The following BPIFB1 variants were observed in gnomAD, a reference collection of about 807,000 sequenced individuals.
BPIFB1 encodes the protein BPI fold-containing family B member 1.
A neutral mutation model predicts 55.1 loss-of-function variants in BPIFB1; 34 were observed. The ratio of observed to expected loss-of-function variants is 0.62; its 90% CI spans 0.47 to 0.82. BPIFB1 has a LOEUF of 0.82. Ranked by LOEUF, BPIFB1 falls within the 40% of genes least tolerant of loss-of-function variation. The pLI, the probability that BPIFB1 is intolerant of heterozygous loss-of-function variation, is 0.00. For missense variants in BPIFB1, 532 were observed against 593.1 expected (o/e 0.90, Z 1.07); for synonymous variants, 236 against 245.3 (o/e 0.96, Z 0.35).
chr20:33,291,770 G>A, intron 5 of BPIFB1, 137 bp from the exon 6 acceptor site: 1 of 726,632 alleles, frequency 1.4e-6, no homozygotes, highest in Non-Finnish European at 2.3e-6. Context: ...GCTACTCCCA[G>A]CCCCGTCTCT....
chr20:33,284,716 A>C (rs75516672), intron 1 of BPIFB1, among the ~76,000 whole-genome samples: 1 of 151,982 alleles, frequency 6.6e-6, no homozygotes, highest in Non-Finnish European at 1.5e-5. Flanking sequence ...AGGAGCTTCC[A>C]TGGGGGGCTG....
Position 33,309,791 on chromosome 20 carries a change from G to T in BPIFB1, c.*24G>T. 1 of 1,608,660 alleles carries T rather than the reference G, an allele frequency of 6.2e-7. No individual in the cohort carries two copies. The highest frequency in any genetic ancestry group is 8.5e-7 in the Non-Finnish European group (1 of 1,175,162). ...GAAGACTTGGATGGCAGCCATCAGGGAAGGCTGGGTCCCAGCTGGGAGTAT... is the reference window on the plus strand; with the variant it reads ...GAAGACTTGGATGGCAGCCATCAGGTAAGGCTGGGTCCCAGCTGGGAGTAT... On this transcript the variant is annotated 3_prime_UTR_variant, in exon 16 of 16. Transcript: ENST00000253354. The surrounding 1 kb of genome is among the most constrained non-coding windows in gnomAD (Gnocchi z 4.4).
chr20:33,301,435 G>T, intron 9 of BPIFB1, 23 bp downstream of exon 9: 2 of 1,602,606 alleles, frequency 1.2e-6, no homozygotes, highest in Non-Finnish European at 1.7e-6. Flanking sequence ...ACAAGGCAGA[G>T]AATAGGGCCG....
At chr20:33,285,837 G>A (rs1313096494) in intron 1 of BPIFB1, among the ~76,000 whole-genome samples, 196 bp from the exon 2 acceptor site, 1 of 152,188 alleles carries the variant, frequency 6.6e-6, no homozygotes, top group Non-Finnish European at 1.5e-5. Flanking sequence ...TGGGAAGCTG[G>A]GGTCATTATC....
In BPIFB1 at chr20:33,309,568, T is replaced by A. The variant is rs1568656100; in HGVS notation, c.1396-140T>A. ...ACACACAGACCCTCCACCCCGACCC[T>A]TCTAAGAATTCTGTATTTGTGGGTT... is the stretch of plus-strand genomic sequence containing the variant. On this transcript the variant is annotated intron_variant, in intron 15 of 15. Coordinates refer to ENST00000253354, the MANE Select transcript of BPIFB1 (RefSeq NM_033197.3). This position sits in a 1 kb window ranked among gnomAD's most constrained non-coding sequence, Gnocchi z 4.4. 4 of 742,554 alleles carry A rather than the reference T, an allele frequency of 5.4e-6. No individual in the cohort carries two copies. The highest frequency in any genetic ancestry group is 9.2e-6 in the Non-Finnish European group (4 of 435,452). 46.0% of individuals were successfully genotyped at this position (742,554 alleles called of 1,614,324 possible). A position where few individuals can be genotyped will look rare whatever the true frequency, so the allele number is the denominator to read the frequency against.
chr20:33,304,327 C>T (rs893473888), intron 12 of BPIFB1, among the ~76,000 whole-genome samples: 1 of 152,196 alleles, frequency 6.6e-6, no homozygotes, highest in Non-Finnish European at 1.5e-5. Context: ...GCTCCAGCTG[C>T]CTCCTGCACC....
At chr20:33,296,443 C>T (rs1306888744) in intron 6 of BPIFB1, among the ~76,000 whole-genome samples, 2 of 152,170 alleles carry the variant, frequency 1.3e-5, no homozygotes, top group African/African-American at 2.4e-5. Context: ...AAAATGTCCT[C>T]AATAATCTTG....
chr20:33,309,779 G>A lies in BPIFB1; in HGVS notation c.*12G>A. Reference sequence around the variant, plus strand: ...CTGTCTCCCAGTGAAGACTTGGATGGCAGCCATCAGGGAAGGCTGGGTCCC... The same window carrying A: ...CTGTCTCCCAGTGAAGACTTGGATGACAGCCATCAGGGAAGGCTGGGTCCC... On this transcript the variant is annotated 3_prime_UTR_variant, in exon 16 of 16. Coordinates refer to ENST00000253354, the MANE Select transcript of BPIFB1 (RefSeq NM_033197.3). The surrounding 1 kb of genome is among the most constrained non-coding windows in gnomAD (Gnocchi z 4.4). 6.2e-7 allele frequency: 1 copy of A among 1,612,900 alleles called. No individual in the cohort carries two copies. Among genetic ancestry groups the A allele is most frequent in the Non-Finnish European group, 8.5e-7 (1 of 1,178,892 alleles).
chr20:33,309,796 C>G lies in BPIFB1; in HGVS notation c.*29C>G. Reference sequence around the variant, plus strand: ...CTTGGATGGCAGCCATCAGGGAAGGCTGGGTCCCAGCTGGGAGTATGGGTG... The same window carrying G: ...CTTGGATGGCAGCCATCAGGGAAGGGTGGGTCCCAGCTGGGAGTATGGGTG... On this transcript the variant is annotated 3_prime_UTR_variant, in exon 16 of 16. Transcript: ENST00000253354. The surrounding 1 kb of genome is among the most constrained non-coding windows in gnomAD (Gnocchi z 4.4). 1 of 1,603,238 alleles carries G rather than the reference C, an allele frequency of 6.2e-7. No individual in the cohort carries two copies. Among genetic ancestry groups the G allele is most frequent in the Non-Finnish European group, 8.5e-7 (1 of 1,170,376 alleles).
intron 2 of BPIFB1, among the ~76,000 whole-genome samples, chr20:33,288,393 G>A (rs1489590859): frequency 1.3e-5 from 2 of 152,208 alleles, no homozygotes; most frequent in Non-Finnish European, 2.9e-5. Context: ...AGGGTTCCCT[G>A]CCTGTTGGCC....
intron 7 of BPIFB1, chr20:33,299,092 C>T (rs1433124400): frequency 2.2e-6 from 1 of 455,826 alleles, no homozygotes. Flanking sequence ...CCCTGGCGGG[C>T]ACTATACCCT....
In BPIFB1 at chr20:33,301,221, C is replaced by G. The variant is rs1406679136; in HGVS notation, c.748-12C>G. The G allele has an allele frequency of 5.6e-6, 9 of 1,611,756 alleles. No individual in the cohort carries two copies. The highest frequency in any genetic ancestry group is 7.6e-6 in the Non-Finnish European group (9 of 1,178,158). On this transcript the variant is annotated splice_polypyrimidine_tract_variant and intron_variant, in intron 8 of 15. Coordinates refer to ENST00000253354, the MANE Select transcript of BPIFB1 (RefSeq NM_033197.3). ...TAAAATTCTTAGCTGACTCCCTGCT[C>G]TGTCTCCTCAGGCCAAGTTGTTGGA...
At chr20:33,295,869 GGGGATT>G (rs751895244) in intron 6 of BPIFB1, among the ~76,000 whole-genome samples, 2 of 133,694 alleles carry the variant, frequency 1.5e-5, no homozygotes, top group Non-Finnish European at 3.2e-5. Context: ...AAGGAAGGAA[GGGGATT>G]GGGAAGGGAA....
rs767975321 is a variant in BPIFB1, at chr20:33,289,963, C to T, written c.336C>T (p.Ile112=). ...SANDQELLVK[I]PLDMVAGFNT... is the part of the protein sequence containing the mutation. ...ATGACCAGGAGCTGCTAGTCAAGAT[C>T]CCCCTGGACATGGTGGCTGGATTCA... Residue 112 remains isoleucine (I), a synonymous_variant, in exon 4 of 16, where the codon ATC becomes ATT. Transcript: ENST00000253354. The T allele has an allele frequency of 3.7e-6, 6 of 1,614,104 alleles. No individual in the cohort carries two copies. In the South Asian group the frequency reaches 5.5e-5, roughly 15 times the overall value.
intron 6 of BPIFB1, among the ~76,000 whole-genome samples, chr20:33,295,577 C>T (rs1273078885): frequency 6.9e-6 from 1 of 144,110 alleles, no homozygotes; most frequent in African/African-American, 2.7e-5. Flanking sequence ...TGCAGTGAGC[C>T]GAGATTGCAC....
intron 15 of BPIFB1, chr20:33,308,059 C>T (rs1434011133): frequency 2.0e-5 from 3 of 152,234 alleles, no homozygotes; most frequent in Non-Finnish European, 2.9e-5. Context: ...CTTCAGGAAA[C>T]TTCCAATCAT....
rs111247568 is a variant in BPIFB1 at position 33,289,002 on chromosome 20, G to T, written c.257+120G>T. The T allele has an allele frequency of 9.6e-3, 11,656 of 1,208,846 alleles. 70 individuals carry two copies. The highest frequency in any genetic ancestry group is 0.012 in the Non-Finnish European group (10,230 of 888,966). 74.9% of individuals were successfully genotyped at this position (1,208,846 alleles called of 1,614,324 possible). A position where few individuals can be genotyped will look rare whatever the true frequency, so the allele number is the denominator to read the frequency against. On this transcript the variant is annotated intron_variant, in intron 3 of 15. Transcript: ENST00000253354. Reference sequence around the variant, plus strand: ...GACTTGTGTCAGATCACAAAGAGTGGATCAAACAAAGCCCCTCCGTCAAGA... The same window carrying T: ...GACTTGTGTCAGATCACAAAGAGTGTATCAAACAAAGCCCCTCCGTCAAGA...
In BPIFB1 at chr20:33,286,138, C is replaced by A. The variant is rs1056578045; in HGVS notation, c.65C>A (p.Thr22Asn). ...CTGGCAGCCACCTTGATCCAAGCCA[C>A]CCTCAGTCCCACTGCAGTTCTCATC... ...GLLAATLIQA[T>N]LSPTAVLILG... The change falls in exon 2 of 16, where the codon ACC becomes AAC. Residue 22 changes from threonine (T) to asparagine (N), a missense_variant. Transcript: ENST00000253354. 8 of 1,614,214 alleles carry A rather than the reference C, an allele frequency of 5.0e-6. No individual in the cohort carries two copies. Among genetic ancestry groups the A allele is most frequent in the Admixed American group, 1.7e-5 (1 of 60,028 alleles).
intron 8 of BPIFB1, 60 bp downstream of exon 8, chr20:33,300,044 A>T: frequency 2.8e-6 from 4 of 1,431,766 alleles, no homozygotes; most frequent in South Asian, 1.1e-5. Context: ...TCTGACCACC[A>T]GGAGTCAGAT....
Sources: gnomAD v4.1 joint callset for allele counts (sites outside exome capture counted in the v4.1 genomes callset) on GRCh38, gnomAD v4.1.1 for gene constraint, Gnocchi (gnomAD v3.1) non-coding constraint, MANE v1.5 for transcripts, NCBI Gene and HGNC (gene_info 2026-07-23, HGNC 2026-07-21) for gene names.